The following GMDS variants were observed in gnomAD, a reference collection of about 807,000 sequenced individuals.
The protein encoded by GMDS is GDP-mannose 4,6 dehydratase.
In GMDS, 20 loss-of-function variants were observed where a neutral mutation model predicts 49.9. That is an observed-to-expected ratio of 0.40 (90% confidence interval 0.28 to 0.58). The LOEUF (loss-of-function observed/expected upper bound fraction) is 0.58. Ranked by LOEUF, GMDS falls within the 20% of genes least tolerant of loss-of-function variation. GMDS has a pLI of 0.42. For synonymous variants in GMDS, 177 were observed against 178.6 expected, an observed-to-expected ratio of 0.99 and a Z score of 0.07; for missense variants, 362 against 481.4, an observed-to-expected ratio of 0.75 and a Z score of 2.32.
chr6:1,710,586 T>C (rs1328479320), intron 9 of GMDS, among the ~76,000 whole-genome samples: 1 of 151,332 alleles, frequency 6.6e-6, no homozygotes, highest in African/African-American at 2.4e-5. Flanking sequence ...AGATACACTT[T>C]TGAGGTTCCC....
intron 4 of GMDS, among the ~76,000 whole-genome samples, chr6:2,024,677 A>G (rs2127409226): frequency 6.6e-6 from 1 of 152,198 alleles, no homozygotes; most frequent in Non-Finnish European, 1.5e-5. Context: ...AGAAAATTCT[A>G]TCAGACTAGC....
At chr6:1,869,511 A>G (rs1758613684) in intron 7 of GMDS, among the ~76,000 whole-genome samples, 1 of 152,176 alleles carries the variant, frequency 6.6e-6, no homozygotes, top group African/African-American at 2.4e-5. Flanking sequence ...AAGGGCTGTC[A>G]AGGTCTAGCT....
At chr6:2,196,690 T>C (rs1419448461) in intron 1 of GMDS, among the ~76,000 whole-genome samples, 3 of 152,178 alleles carry the variant, frequency 2.0e-5, no homozygotes, top group South Asian at 2.1e-4. Context: ...AAGGTAGTAA[T>C]AGGTGCTCAG....
In GMDS at chr6:1,991,722, C is replaced by T. The variant is rs560595552; in HGVS notation, c.346-30756G>A. On this transcript the variant is annotated intron_variant, in intron 4 of 10. Transcript: ENST00000380815. Reference sequence around the variant, plus strand: ...GCCTAGTGTGGGATTGAACAGTGTCCCCCCAGAAAAGACATGTGTAAGTCC... The same window carrying T: ...GCCTAGTGTGGGATTGAACAGTGTCTCCCCAGAAAAGACATGTGTAAGTCC... 3.9e-5 allele frequency among the ~76,000 whole-genome samples: 6 copies of T among 152,216 alleles called. No homozygotes were observed. In the South Asian group the frequency reaches 8.3e-4, roughly 21 times the overall value.
chr6:1,926,108 C>G (rs1761993072), intron 7 of GMDS, among the ~76,000 whole-genome samples: 1 of 152,200 alleles, frequency 6.6e-6, no homozygotes, highest in East Asian at 1.9e-4. Flanking sequence ...GTTCCCCCAT[C>G]TGCTGAGAGC....
intron 7 of GMDS, among the ~76,000 whole-genome samples, chr6:1,834,157 G>T (rs1187225565): frequency 6.6e-6 from 1 of 152,104 alleles, no homozygotes; most frequent in Non-Finnish European, 1.5e-5. Flanking sequence ...TAAAACAGAT[G>T]ATATTAATTT....
intron 7 of GMDS, among the ~76,000 whole-genome samples, chr6:1,798,064 G>T (rs62388414): frequency 6.6e-6 from 1 of 152,074 alleles, no homozygotes; most frequent in Non-Finnish European, 1.5e-5. Flanking sequence ...TTGAACAAAG[G>T]AGTCAAAGGA....
chr6:1,950,911 G>A (rs2628443), intron 6 of GMDS, among the ~76,000 whole-genome samples: 37,001 of 151,320 alleles, frequency 0.24, 5,855 homozygotes, highest in African/African-American at 0.46. Flanking sequence ...CAGGACAGGC[G>A]TTTGTTATAG....
At chr6:2,025,062 T>G (rs987032536) in intron 4 of GMDS, among the ~76,000 whole-genome samples, 1 of 151,962 alleles carries the variant, frequency 6.6e-6, no homozygotes, top group African/African-American at 2.4e-5. Context: ...CAGATAAAAC[T>G]ATAATGGCAG....
intron 4 of GMDS, among the ~76,000 whole-genome samples, chr6:2,074,532 T>C (rs1274387430): frequency 6.6e-6 from 1 of 152,222 alleles, no homozygotes; most frequent in Non-Finnish European, 1.5e-5. Flanking sequence ...CATTTGTCTA[T>C]TTTTGTTTTA....
chr6:1,974,795 C>T (rs1333049375), intron 4 of GMDS, among the ~76,000 whole-genome samples: 1 of 151,444 alleles, frequency 6.6e-6, no homozygotes, highest in Non-Finnish European at 1.5e-5. Context: ...CTTTGGGAGG[C>T]CGAGGCGGGC....
intron 4 of GMDS, among the ~76,000 whole-genome samples, chr6:2,079,019 CTTTTTT>C (rs386405902): frequency 0.012 from 416 of 33,992 alleles, 2 homozygotes; most frequent in African/African-American, 0.026. Flanking sequence ...ATGACCTTGT[CTTTTTT>C]TTTTTTTTTT....
intron 6 of GMDS, among the ~76,000 whole-genome samples, chr6:1,949,340 A>G (rs183621213): frequency 5.5e-5 from 8 of 145,562 alleles, no homozygotes; most frequent in Admixed American, 5.4e-4. Flanking sequence ...GCTGATGATG[A>G]GTGGCCAAAT....
intron 7 of GMDS, among the ~76,000 whole-genome samples, chr6:1,828,006 A>G (rs1478856318): frequency 6.6e-6 from 1 of 152,188 alleles, no homozygotes; most frequent in Admixed American, 6.5e-5. Context: ...ATAAATAACT[A>G]TCTTTAAGGT....
intron 7 of GMDS, among the ~76,000 whole-genome samples, chr6:1,815,457 C>A (rs226468): frequency 0.54 from 81,430 of 152,002 alleles, 23,349 homozygotes; most frequent in African/African-American, 0.75. Flanking sequence ...CTTATTGATC[C>A]CACTGAATAG....
intron 7 of GMDS, among the ~76,000 whole-genome samples, chr6:1,776,252 T>A (rs1768829396): frequency 6.6e-6 from 1 of 152,260 alleles, no homozygotes; most frequent in African/African-American, 2.4e-5. Flanking sequence ...CAGAGGACAG[T>A]TGCTGCCTCT....
At position 2,092,718 on chromosome 6, in the gene GMDS, C is replaced by T. The variant is rs555646654; in HGVS notation, c.345+23053G>A. Among the ~76,000 whole-genome samples, 41 of 152,168 alleles carry T rather than the reference C, an allele frequency of 2.7e-4. No homozygotes were observed. In the South Asian group the frequency reaches 8.3e-3, roughly 31 times the overall value. Reference sequence around the variant, plus strand: ...AGAAGATTCTCTAACACCGACATGCCTAAAAAAGTGCTACACATGTACCCT... The same window carrying T: ...AGAAGATTCTCTAACACCGACATGCTTAAAAAAGTGCTACACATGTACCCT... On this transcript the variant is annotated intron_variant, in intron 4 of 10. Coordinates refer to ENST00000380815, the MANE Select transcript of GMDS (RefSeq NM_001500.4).
At chr6:2,215,553 T>A (rs1780291958) in intron 1 of GMDS, among the ~76,000 whole-genome samples, 1 of 151,082 alleles carries the variant, frequency 6.6e-6, no homozygotes, top group African/African-American at 2.4e-5. Flanking sequence ...AATGGAGCTA[T>A]AATTCGAGAT....
In GMDS at chr6:2,191,944, C is replaced by CCA. The variant is rs951343635; in HGVS notation, c.102+53375_102+53376dup. On this transcript the variant is annotated intron_variant, in intron 1 of 10. Coordinates refer to ENST00000380815, the MANE Select transcript of GMDS (RefSeq NM_001500.4). The surrounding 1 kb of genome is among the most constrained non-coding windows in gnomAD (Gnocchi z 4.6). ...CTTATGGTGACTTTTCTGGGCCTGCCCATGACCACCCATGGACCAACTGGC... is the reference window on the plus strand; with the variant it reads ...CTTATGGTGACTTTTCTGGGCCTGCCCACATGACCACCCATGGACCAACTGGC... Among the ~76,000 whole-genome samples, 1 of 152,156 alleles carries CCA rather than the reference C, an allele frequency of 6.6e-6. No homozygotes were observed. The highest frequency in any genetic ancestry group is 2.4e-5 in the African/African-American group (1 of 41,426).
Sources: allele counts gnomAD v4.1 joint callset (sites outside exome capture counted in the v4.1 genomes callset), GRCh38; gene constraint gnomAD v4.1.1; non-coding constraint Gnocchi (gnomAD v3.1); transcripts MANE v1.5; gene names NCBI Gene and HGNC (gene_info 2026-07-23, HGNC 2026-07-21).